The following CNOT1 variants were observed in gnomAD, a reference collection of about 807,000 sequenced individuals.
CNOT1 encodes the protein CCR4-NOT transcription complex subunit 1, also known as CCR4-associated factor 1.
CNOT1 carries 15 observed loss-of-function variants against 273.8 expected under a neutral mutation model. That is an observed-to-expected ratio of 0.05 (90% confidence interval 0.04 to 0.08). The LOEUF (loss-of-function observed/expected upper bound fraction) is 0.08, where lower values mean the gene tolerates loss of function less well. Ranked by LOEUF, CNOT1 falls within the 10% of genes least tolerant of loss-of-function variation. CNOT1 has a pLI of 1.00. For synonymous variants in CNOT1, 1,022 were observed against 1,005.5 expected, an observed-to-expected ratio of 1.02 and a Z score of -0.31; for missense variants, 1,644 against 2,912.2, an observed-to-expected ratio of 0.56 and a Z score of 10.02.
chr16:58,574,787 T>TTTTTGG (rs761581495), intron 15 of CNOT1, 27 bp from the exon 16 acceptor site: 2 of 1,581,838 alleles, frequency 1.3e-6, no homozygotes, highest in South Asian at 2.4e-5. Context: ...TCTCTCAGTG[T>TTTTTGG]ATTTAAAATT....
chr16:58,557,328 C>T (rs1007425591), intron 18 of CNOT1, among the ~76,000 whole-genome samples: 2 of 152,170 alleles, frequency 1.3e-5, no homozygotes, highest in African/African-American at 4.8e-5. Flanking sequence ...CTCAATGATT[C>T]AAATCAAATA....
chr16:58,594,532 G>C (rs1365870544), intron 2 of CNOT1, among the ~76,000 whole-genome samples: 3 of 152,034 alleles, frequency 2.0e-5, no homozygotes, highest in Non-Finnish European at 4.4e-5. Context: ...GGCCAGGCGT[G>C]GGGGCTCACG....
intron 16 of CNOT1, among the ~76,000 whole-genome samples, chr16:58,561,253 T>G (rs760427193): frequency 4.6e-5 from 7 of 152,182 alleles, no homozygotes; most frequent in Non-Finnish European, 7.4e-5. Context: ...CTGTCACTCA[T>G]CACTAGAATT....
chr16:58,533,253 T>C (rs1309096479), intron 40 of CNOT1: 1 of 152,370 alleles, frequency 6.6e-6, no homozygotes, highest in Non-Finnish European at 1.5e-5. Context: ...GAACCACTTA[T>C]GTGGCCAGGC....
intron 16 of CNOT1, among the ~76,000 whole-genome samples, chr16:58,564,086 C>T (rs1262389154): frequency 6.6e-6 from 1 of 152,036 alleles, no homozygotes; most frequent in East Asian, 1.9e-4. Context: ...GATATAAGAT[C>T]AAGAAGCAAG....
chr16:58,551,078 T>C (rs1597442875), intron 24 of CNOT1, 54 bp downstream of exon 24: 1 of 1,594,966 alleles, frequency 6.3e-7, no homozygotes, highest in South Asian at 1.2e-5. Context: ...CTATACATCC[T>C]TTAGTCCATT....
At chr16:58,597,334 G>A (rs1009707579) in intron 2 of CNOT1, among the ~76,000 whole-genome samples, 5 of 151,944 alleles carry the variant, frequency 3.3e-5, no homozygotes, top group Admixed American at 6.6e-5. Flanking sequence ...AATTAGCTGG[G>A]TGTGGTGGTG....
intron 1 of CNOT1, among the ~76,000 whole-genome samples, chr16:58,622,761 C>T (rs951560839): frequency 1.3e-5 from 2 of 151,086 alleles, no homozygotes; most frequent in Admixed American, 1.3e-4. Flanking sequence ...GCAGGATCGT[C>T]TCTTGAAACC....
At chr16:58,545,250 C>G in intron 30 of CNOT1, 111 bp downstream of exon 30, 3 of 1,513,938 alleles carry the variant, frequency 2.0e-6, no homozygotes, top group Non-Finnish European at 2.7e-6. Context: ...CTGACAAACT[C>G]TACAACCTAG....
chr16:58,543,266 G>A lies in CNOT1; in HGVS notation c.4434+341C>T, dbSNP rs544473323. 5.7e-4 allele frequency: 877 copies of A among 1,543,806 alleles called. 3 individuals are homozygous for A. The South Asian group carries it at 6.0e-3, about 11-fold the overall frequency. On this transcript the variant is annotated intron_variant, in intron 31 of 48. Transcript: ENST00000317147. ...ACATCACTTTAAGTCATTTTGTATC[G>A]GCCTTCTCAAACAGCTTTCATCCTT... is the stretch of plus-strand genomic sequence containing the variant.
chr16:58,584,936 G>A (rs2041785805), intron 8 of CNOT1, among the ~76,000 whole-genome samples: 1 of 152,194 alleles, frequency 6.6e-6, no homozygotes, highest in Non-Finnish European at 1.5e-5. Context: ...AGAAAAGGAA[G>A]GAAGCCACAG....
rs536947726 is a variant in CNOT1, at chr16:58,560,161, T to G, written c.2130+51A>C. 6.9e-6 allele frequency: 11 copies of G among 1,600,490 alleles called. No homozygotes were observed. In the African/African-American group the frequency reaches 1.2e-4, roughly 18 times the overall value. ...TTATTAATGACATAGGAGCTTATTC[T>G]ATTCCAAATCTATGGCAAATGAAGA... On this transcript the variant is annotated intron_variant, in intron 17 of 48. Transcript: ENST00000317147.
intron 7 of CNOT1, among the ~76,000 whole-genome samples, chr16:58,585,940 A>G (rs1463852003): frequency 6.6e-6 from 1 of 152,016 alleles, no homozygotes; most frequent in African/African-American, 2.4e-5. Context: ...TTAAGAAGTA[A>G]ATAAAAGTAA....
chr16:58,629,698 AC>A (rs1462907322), intron 1 of CNOT1, 29 bp downstream of exon 1: 9 of 151,254 alleles, frequency 6.0e-5, no homozygotes, highest in Admixed American at 5.3e-4. Context: ...CCGCCACCCT[AC>A]CCTAGCCCCT....
At chr16:58,599,932 G>A (rs1298639017) in intron 1 of CNOT1, among the ~76,000 whole-genome samples, 1 of 151,940 alleles carries the variant, frequency 6.6e-6, no homozygotes, top group Non-Finnish European at 1.5e-5. Flanking sequence ...GCATGGTGGT[G>A]CACGCCTGTA....
intron 17 of CNOT1, chr16:58,559,725 T>C (rs916593036): frequency 2.2e-5 from 10 of 459,688 alleles, no homozygotes; most frequent in South Asian, 4.6e-5. Context: ...TGCCATTCAA[T>C]GCATCTGAAA....
At chr16:58,628,008 A>G (rs951386184) in intron 1 of CNOT1, among the ~76,000 whole-genome samples, 6 of 152,002 alleles carry the variant, frequency 3.9e-5, no homozygotes, top group African/African-American at 1.5e-4. Context: ...TTGTATTTTT[A>G]GTAGAGACGC....
chr16:58,563,042 A>G (rs1597465363), intron 16 of CNOT1, among the ~76,000 whole-genome samples: 1 of 152,352 alleles, frequency 6.6e-6, no homozygotes, highest in East Asian at 1.9e-4. Flanking sequence ...GAAAATTTGT[A>G]CTTGTGCCAA....
intron 2 of CNOT1, among the ~76,000 whole-genome samples, chr16:58,591,756 A>G (rs892357687): frequency 3.4e-4 from 44 of 130,648 alleles, no homozygotes; most frequent in East Asian, 2.2e-3. Flanking sequence ...CTCCGTCTCG[A>G]AAAAAAAAAA....
Sources: allele counts gnomAD v4.1 joint callset (sites outside exome capture counted in the v4.1 genomes callset), GRCh38; gene constraint gnomAD v4.1.1; transcripts MANE v1.5; gene names NCBI Gene and HGNC (gene_info 2026-07-23, HGNC 2026-07-21).